The following BMP2K variants were observed in gnomAD, a reference collection of about 807,000 sequenced individuals.
The protein encoded by BMP2K is BMP2 inducible kinase.
BMP2K carries 74 observed loss-of-function variants against 116.0 expected under a neutral mutation model. The observed-to-expected ratio is 0.64, with a 90% CI of 0.53 to 0.77. BMP2K has a LOEUF of 0.77. BMP2K is among the 30% of genes least tolerant of loss of function. The pLI is 0.00. For synonymous variants in BMP2K, 486 were observed against 502.5 expected, an observed-to-expected ratio of 0.97 and a Z score of 0.44; for missense variants, 1,365 against 1,403.6, an observed-to-expected ratio of 0.97 and a Z score of 0.44.
intron 15 of BMP2K, among the ~76,000 whole-genome samples, chr4:78,909,863 C>T (rs1734489231): frequency 2.0e-5 from 3 of 152,102 alleles, no homozygotes; most frequent in Non-Finnish European, 2.9e-5. Flanking sequence ...AGCAAAGTGC[C>T]CTATATTTCT....
intron 3 of BMP2K, among the ~76,000 whole-genome samples, chr4:78,838,269 G>C (rs886173904): frequency 7.2e-5 from 11 of 152,216 alleles, no homozygotes; most frequent in African/African-American, 2.2e-4. Context: ...GCTACCTCCC[G>C]ATGGGTCCGT....
chr4:78,857,951 C>T (rs1032785942), intron 7 of BMP2K, among the ~76,000 whole-genome samples: 1 of 151,862 alleles, frequency 6.6e-6, no homozygotes, highest in African/African-American at 2.4e-5. Context: ...TGTAACTGAC[C>T]TCATTATCCT....
At chr4:78,842,310 A>G in intron 3 of BMP2K, 75 bp from the exon 4 acceptor site, 1 of 1,339,032 alleles carries the variant, frequency 7.5e-7, no homozygotes, top group South Asian at 1.6e-5. Context: ...GAAGCCATAA[A>G]GACATTTCTT....
chr4:78,907,327 A>G lies in BMP2K; in HGVS notation c.2063-3283A>G, dbSNP rs184358861. On this transcript the variant is annotated intron_variant, in intron 15 of 15. Transcript: ENST00000502613. ...GTATAAAGTGACAGATGTCTTCTGA[A>G]AAGTAATGGTAGCCAGTTGAATAAT... 2.5e-3 allele frequency among the ~76,000 whole-genome samples: 383 copies of G among 152,330 alleles called. 1 individual carries two copies. The highest frequency in any genetic ancestry group is 8.7e-3 in the African/African-American group (363 of 41,576).
intron 1 of BMP2K, among the ~76,000 whole-genome samples, chr4:78,782,227 A>G (rs1021785893): frequency 1.6e-4 from 25 of 152,216 alleles, no homozygotes; most frequent in African/African-American, 5.3e-4. Context: ...GACACTTGTA[A>G]CTATTTGCTT....
At position 78,847,275 on chromosome 4, in the gene BMP2K, G is replaced by A. The variant is rs1327361121; in HGVS notation, c.750+6G>A. ...CCACCAAGGCTGATATCTGGGTAAG[G>A]CCAAGAAAGGCTGGAACTTGCTCTA... On this transcript the variant is annotated splice_donor_region_variant and intron_variant, in intron 6 of 15. Coordinates refer to ENST00000502613, the MANE Select transcript of BMP2K (RefSeq NM_198892.2). 1.3e-6 allele frequency: 2 copies of A among 1,568,850 alleles called. No homozygotes were observed. The highest frequency in any genetic ancestry group is 1.2e-5 in the South Asian group (1 of 84,672).
At position 78,910,832 on chromosome 4, in the gene BMP2K, A is replaced by G; in HGVS notation, c.2285A>G (p.Glu762Gly). The change falls in exon 16 of 16, where the codon GAA becomes GGA. Residue 762 changes from glutamate (E) to glycine (G), a missense_variant. By Grantham distance (98) the Glu-to-Gly change is moderately conservative. Coordinates refer to ENST00000502613, the MANE Select transcript of BMP2K (RefSeq NM_198892.2). ...KSSEEEEQDDEEVLQGEQGDF... is the reference protein window; with the variant it reads ...KSSEEEEQDDGEVLQGEQGDF... ...AGTGAAGAGGAAGAGCAAGATGATG[A>G]AGAAGTTCTTCAGGGGGAACAAGGA... 6.2e-7 allele frequency: 1 copy of G among 1,613,022 alleles called. No homozygotes were observed. The highest frequency in any genetic ancestry group is 1.1e-5 in the South Asian group (1 of 91,068).
Position 78,826,146 on chromosome 4 carries a change from T to C in BMP2K, c.288T>C (p.Ile96=). 6.2e-7 allele frequency: 1 copy of C among 1,609,614 alleles called. No homozygotes were observed. The highest frequency in any genetic ancestry group is 1.7e-5 in the Admixed American group (1 of 59,862). The part of the protein sequence containing the change: ...MPDLNVCKRE[I]TIMKELSGHK... ...ACCTCAATGTTTGTAAAAGGGAAATTACAATTATGGTAAGTGAAGGAGTAG... is the reference window on the plus strand; with the variant it reads ...ACCTCAATGTTTGTAAAAGGGAAATCACAATTATGGTAAGTGAAGGAGTAG... Residue 96 remains isoleucine, a synonymous_variant, in exon 2 of 16, where the codon ATT becomes ATC. Coordinates refer to ENST00000502613, the MANE Select transcript of BMP2K (RefSeq NM_198892.2).
intron 3 of BMP2K, among the ~76,000 whole-genome samples, chr4:78,838,345 T>C (rs563108126): frequency 1.4e-4 from 21 of 152,340 alleles, no homozygotes; most frequent in Non-Finnish European, 2.2e-4. Context: ...GCTTTCTCTT[T>C]TTTTGTTCAA....
chr4:78,822,250 G>A (rs891142182), intron 1 of BMP2K, among the ~76,000 whole-genome samples: 1 of 152,032 alleles, frequency 6.6e-6, no homozygotes, highest in Non-Finnish European at 1.5e-5. Flanking sequence ...ATTTTAATCT[G>A]GTTACCTTTT....
At chr4:78,876,004 G>A (rs1577950438) in intron 13 of BMP2K, among the ~76,000 whole-genome samples, 1 of 152,192 alleles carries the variant, frequency 6.6e-6, no homozygotes, top group South Asian at 2.1e-4. Flanking sequence ...CATGTTCAAG[G>A]GCAGTGAAAT....
intron 2 of BMP2K, among the ~76,000 whole-genome samples, chr4:78,829,787 T>TTTCTCTCTTCTCTTCTCTTCTC (rs1730094701): frequency 5.8e-5 from 5 of 86,594 alleles, no homozygotes; most frequent in Admixed American, 1.4e-4. Context: ...TTTCTTTTCT[T>TTTCTCTCTTCTCTTCTCTTCTC]TTCTCTTCTC....
intron 1 of BMP2K, among the ~76,000 whole-genome samples, chr4:78,781,538 C>T (rs975473341): frequency 6.6e-6 from 1 of 150,796 alleles, no homozygotes; most frequent in African/African-American, 2.4e-5. Flanking sequence ...CTGGGTATGT[C>T]GTCTGGAACT....
chr4:78,826,260 G>A (rs940745367), intron 2 of BMP2K, 105 bp downstream of exon 2: 6 of 819,682 alleles, frequency 7.3e-6, no homozygotes, highest in Admixed American at 6.5e-5. Flanking sequence ...GGAGCGCAGT[G>A]GCGTGATCTC....
intron 15 of BMP2K, among the ~76,000 whole-genome samples, chr4:78,910,304 A>C (rs1734518184): frequency 6.6e-6 from 1 of 152,194 alleles, no homozygotes; most frequent in Non-Finnish European, 1.5e-5. Context: ...TGGTGGGGTG[A>C]AGAAAATTTG....
intron 1 of BMP2K, among the ~76,000 whole-genome samples, chr4:78,779,529 G>A (rs933856974): frequency 6.6e-6 from 1 of 152,204 alleles, no homozygotes; most frequent in Admixed American, 6.5e-5. Flanking sequence ...AAACTAGAAT[G>A]TGCACGTCAG....
At chr4:78,793,409 C>CAA (rs59725143) in intron 1 of BMP2K, among the ~76,000 whole-genome samples, 10,470 of 80,826 alleles carry the variant, frequency 0.13, 645 homozygotes, top group East Asian at 0.3. Flanking sequence ...GACTCCGTCT[C>CAA]AAAAAAAAAA....
At chr4:78,884,188 G>C (rs754616484) in intron 14 of BMP2K, among the ~76,000 whole-genome samples, 1 of 152,018 alleles carries the variant, frequency 6.6e-6, no homozygotes, top group Non-Finnish European at 1.5e-5. Context: ...TTAGCTGAAC[G>C]TGGTGGCCTG....
intron 1 of BMP2K, among the ~76,000 whole-genome samples, chr4:78,825,055 T>C (rs184192160): frequency 6.6e-6 from 1 of 152,018 alleles, no homozygotes; most frequent in Admixed American, 6.6e-5. Context: ...ATACAAAAAA[T>C]TAGCCAGGTG....
Sources: gnomAD v4.1 joint callset for allele counts (sites outside exome capture counted in the v4.1 genomes callset) on GRCh38, gnomAD v4.1.1 for gene constraint, MANE v1.5 for transcripts, NCBI Gene and HGNC (gene_info 2026-07-23, HGNC 2026-07-21) for gene names.